GPHN: variants seen among roughly 807,000 people sequenced by gnomAD.
The protein encoded by GPHN is gephyrin.
A neutral mutation model predicts 95.5 loss-of-function variants in GPHN; 17 were observed. That is an observed-to-expected ratio of 0.18 (90% CI 0.12 to 0.27). The LOEUF (loss-of-function observed/expected upper bound fraction) is 0.27, where lower values mean the gene tolerates loss of function less well. GPHN is among the 10% of genes least tolerant of loss of function. The pLI is 1.00. For synonymous variants in GPHN, 320 were observed against 322.5 expected, an observed-to-expected ratio of 0.99 and a Z score of 0.08; for missense variants, 660 against 978.1, an observed-to-expected ratio of 0.67 and a Z score of 4.34.
At chr14:67,359,622 ACCTGTGAAAGCGGCTTATC>A in the GPHN span, 2 of 1,613,166 alleles carry the variant, frequency 1.2e-6, no homozygotes, top group East Asian at 4.5e-5. Context: ...GGGTTCCTAA[ACCTGTGAAAGCGGCTTATC>A]CCATTCCTTT....
chr14:67,647,958 C>A, the GPHN span: 1 of 1,277,176 alleles, frequency 7.8e-7, no homozygotes, highest in South Asian at 1.4e-5. Flanking sequence ...GCAACAAAAT[C>A]AAGGAGTTGC....
chr14:67,485,916 C>T, the GPHN span, among the ~76,000 whole-genome samples: 5 of 152,230 alleles, frequency 3.3e-5, no homozygotes, highest in Admixed American at 2.6e-4. Flanking sequence ...GCAGCTAAGG[C>T]TCACAAATCC....
the GPHN span, among the ~76,000 whole-genome samples, chr14:67,547,825 T>G: frequency 6.6e-6 from 1 of 152,218 alleles, no homozygotes; most frequent in Non-Finnish European, 1.5e-5. Flanking sequence ...AAAAAGAATT[T>G]TTTTAAAAAA....
the GPHN span, among the ~76,000 whole-genome samples, chr14:67,668,728 C>G: frequency 1.1e-4 from 16 of 152,278 alleles, no homozygotes; most frequent in East Asian, 3.1e-3. Flanking sequence ...CATCAGAAAC[C>G]CCCTGGAGGG....
intron 2 of GPHN, among the ~76,000 whole-genome samples, chr14:66,722,432 G>C (rs1182756380): frequency 8.1e-6 from 1 of 122,924 alleles, no homozygotes. Context: ...TAATACTAAG[G>C]CTTTGTTTGT....
the GPHN span, chr14:67,585,340 G>A: frequency 1.9e-6 from 1 of 520,588 alleles, no homozygotes; most frequent in Non-Finnish European, 3.4e-6. Context: ...CTCTGCCTTT[G>A]AGATGGTTAG....
At chr14:66,552,435 A>C (rs545817800) in intron 1 of GPHN, among the ~76,000 whole-genome samples, 2 of 152,174 alleles carry the variant, frequency 1.3e-5, no homozygotes, top group Non-Finnish European at 2.9e-5. Flanking sequence ...ATTTTGCTTT[A>C]AACAGTTATT....
intron 1 of GPHN, among the ~76,000 whole-genome samples, chr14:66,546,619 A>G (rs1432694739): frequency 6.6e-6 from 1 of 152,086 alleles, no homozygotes; most frequent in African/African-American, 2.4e-5. Context: ...AAAAAATACG[A>G]AAACCAGTCA....
chr14:66,667,174 A>AT (rs1215113694), intron 1 of GPHN, among the ~76,000 whole-genome samples: 1 of 152,232 alleles, frequency 6.6e-6, no homozygotes, highest in African/African-American at 2.4e-5. Flanking sequence ...ATGCTCATGG[A>AT]TAGGAAGAAT....
the GPHN span, chr14:67,651,772 G>C: frequency 3.8e-6 from 1 of 261,488 alleles, no homozygotes; most frequent in Admixed American, 5.1e-5. Flanking sequence ...CTAGAAAGAA[G>C]GGTTAGCTAG....
chr14:67,568,387 C>T, the GPHN span, among the ~76,000 whole-genome samples: 29 of 152,010 alleles, frequency 1.9e-4, no homozygotes, highest in African/African-American at 7.0e-4. Context: ...CAAGTGGGAG[C>T]TGGACAATGA....
At chr14:67,704,789 A>C in the GPHN span, among the ~76,000 whole-genome samples, 1 of 152,350 alleles carries the variant, frequency 6.6e-6, no homozygotes, top group South Asian at 2.1e-4. Flanking sequence ...TCATAGCAGC[A>C]GCTCTCGTTC....
At chr14:67,204,733 G>A in the GPHN span, 1 of 1,613,832 alleles carries the variant, frequency 6.2e-7, no homozygotes, top group African/African-American at 1.3e-5. Flanking sequence ...CAAAGTGTCG[G>A]AGGTTTCAAG....
chr14:66,632,057 G>C (rs899517675), intron 1 of GPHN, among the ~76,000 whole-genome samples: 1 of 152,086 alleles, frequency 6.6e-6, no homozygotes, highest in Non-Finnish European at 1.5e-5. Flanking sequence ...ATAAATGTTT[G>C]TTGAAATTTA....
the GPHN span, among the ~76,000 whole-genome samples, chr14:67,434,716 C>T: frequency 1.2e-4 from 19 of 152,154 alleles, 1 homozygote; most frequent in Admixed American, 1.2e-3. Context: ...AACACCAAAC[C>T]CTACAGGCAG....
At chr14:66,659,699 T>C (rs1460802777) in intron 1 of GPHN, among the ~76,000 whole-genome samples, 1 of 152,122 alleles carries the variant, frequency 6.6e-6, no homozygotes, top group Non-Finnish European at 1.5e-5. Flanking sequence ...TAATTTCTTT[T>C]CTTTTGAAGC....
At chr14:67,670,132 C>T in the GPHN span, among the ~76,000 whole-genome samples, 1 of 152,090 alleles carries the variant, frequency 6.6e-6, no homozygotes, top group Non-Finnish European at 1.5e-5. Context: ...AGGTGACTGC[C>T]CAAAAGGCTC....
At position 66,734,226 on chromosome 14, in the gene GPHN, C is replaced by T. The variant is rs117678207; in HGVS notation, c.144-42238C>T. On this transcript the variant is annotated intron_variant, in intron 2 of 22. Transcript: ENST00000478722. ...CTCTCTATAACATTCAGAATGAAGTCCAGTTTATTCAGGATAGGCTACTAG... is the reference window on the plus strand; with the variant it reads ...CTCTCTATAACATTCAGAATGAAGTTCAGTTTATTCAGGATAGGCTACTAG... Among the ~76,000 whole-genome samples the T allele has an allele frequency of 2.4e-3, 369 of 152,208 alleles. 15 individuals carry two copies. The East Asian group carries it at 0.067, about 28-fold the overall frequency.
the GPHN span, chr14:67,387,485 A>G: frequency 1.9e-6 from 3 of 1,595,852 alleles, no homozygotes; most frequent in Non-Finnish European, 2.6e-6. Context: ...GAAAAAAATC[A>G]GTGATTGAAT....
Sources: gnomAD v4.1 joint callset for allele counts (sites outside exome capture counted in the v4.1 genomes callset) on GRCh38, gnomAD v4.1.1 for gene constraint, MANE v1.5 for transcripts, NCBI Gene and HGNC (gene_info 2026-07-23, HGNC 2026-07-21) for gene names.